The following HAPLN1 variants were observed in gnomAD, a reference collection of about 807,000 sequenced individuals.
HAPLN1 encodes hyaluronan and proteoglycan link protein 1.
A neutral mutation model predicts 36.5 loss-of-function variants in HAPLN1; 13 were observed. The ratio of observed to expected loss-of-function variants is 0.36; its 90% CI spans 0.23 to 0.57. HAPLN1 has a LOEUF of 0.57. Ranked by LOEUF, HAPLN1 falls within the 20% of genes least tolerant of loss-of-function variation. The pLI is 0.83. For synonymous variants in HAPLN1, 202 were observed against 169.8 expected (o/e 1.19, Z -1.48); for missense variants, 407 against 439.7 (o/e 0.93, Z 0.66).
At chr5:83,693,108 G>C (rs892552800) in intron 1 of HAPLN1, among the ~76,000 whole-genome samples, 1 of 151,756 alleles carries the variant, frequency 6.6e-6, no homozygotes, top group African/African-American at 2.4e-5. Flanking sequence ...ACAATATACT[G>C]TCATAAAAGT....
At chr5:83,679,238 A>G (rs1453862416) in intron 1 of HAPLN1, among the ~76,000 whole-genome samples, 1 of 152,174 alleles carries the variant, frequency 6.6e-6, no homozygotes, top group East Asian at 1.9e-4. Context: ...TTAGCTGTAG[A>G]TGTTTCTACA....
intron 2 of HAPLN1, among the ~76,000 whole-genome samples, chr5:83,662,625 T>A (rs1750437328): frequency 1.3e-5 from 2 of 152,222 alleles, no homozygotes; most frequent in Non-Finnish European, 1.5e-5. Context: ...GGAGTTTAAC[T>A]ATATTAGAGG....
At chr5:83,674,683 T>A (rs1300101744) in intron 1 of HAPLN1, 1 of 152,232 alleles carries the variant, frequency 6.6e-6, no homozygotes, top group African/African-American at 2.4e-5. Flanking sequence ...AATTGCACAG[T>A]ACTGGCTTCT....
intron 3 of HAPLN1, among the ~76,000 whole-genome samples, chr5:83,645,355 A>G (rs957652715): frequency 6.6e-6 from 1 of 152,126 alleles, no homozygotes; most frequent in Non-Finnish European, 1.5e-5. Context: ...AAGCTTGTCC[A>G]ACCCATGGCC....
intron 1 of HAPLN1, among the ~76,000 whole-genome samples, chr5:83,714,334 C>T (rs746336467): frequency 1.1e-3 from 167 of 152,058 alleles, no homozygotes; most frequent in Non-Finnish European, 1.8e-3. Context: ...GAGCACCAAA[C>T]GATGGTAGCA....
chr5:83,720,354 C>G (rs975253605), intron 1 of HAPLN1, among the ~76,000 whole-genome samples: 5 of 152,154 alleles, frequency 3.3e-5, no homozygotes, highest in African/African-American at 4.8e-5. Flanking sequence ...TTCACATAAC[C>G]CTATATATTC....
At chr5:83,706,936 G>A (rs554614483) in intron 1 of HAPLN1, among the ~76,000 whole-genome samples, 3 of 152,214 alleles carry the variant, frequency 2.0e-5, no homozygotes, top group African/African-American at 7.2e-5. Context: ...ACCACCAGGA[G>A]CCAAGCCAAG....
intron 1 of HAPLN1, among the ~76,000 whole-genome samples, chr5:83,681,984 C>A (rs1751014185): frequency 6.6e-6 from 1 of 152,126 alleles, no homozygotes; most frequent in Admixed American, 6.5e-5. Flanking sequence ...AATAAGATTT[C>A]TAGCACTAGG....
intron 1 of HAPLN1, among the ~76,000 whole-genome samples, chr5:83,676,153 T>TA (rs1561312903): frequency 6.9e-6 from 1 of 144,548 alleles, no homozygotes; most frequent in Non-Finnish European, 1.5e-5. Flanking sequence ...TGTGCACACA[T>TA]ACACAGAGAT....
At chr5:83,675,241 A>G (rs1197209674) in intron 1 of HAPLN1, 1 of 152,188 alleles carries the variant, frequency 6.6e-6, no homozygotes, top group African/African-American at 2.4e-5. Flanking sequence ...TTGGAATATA[A>G]TTGAGATAAC....
At chr5:83,663,650 A>G (rs1249024936) in intron 2 of HAPLN1, among the ~76,000 whole-genome samples, 1 of 151,924 alleles carries the variant, frequency 6.6e-6, no homozygotes, top group Non-Finnish European at 1.5e-5. Flanking sequence ...CCTCGCCCAA[A>G]TCTGTTCTCC....
intron 1 of HAPLN1, among the ~76,000 whole-genome samples, chr5:83,713,298 A>T (rs1751837549): frequency 6.6e-6 from 1 of 152,170 alleles, no homozygotes; most frequent in African/African-American, 2.4e-5. Context: ...AATTCAACAA[A>T]CATGTCTGGC....
intron 2 of HAPLN1, among the ~76,000 whole-genome samples, chr5:83,672,416 G>GA (rs1482011555): frequency 6.6e-6 from 1 of 151,954 alleles, no homozygotes; most frequent in African/African-American, 2.4e-5. Flanking sequence ...GTTCAACAGA[G>GA]AAAAAAATAA....
At chr5:83,672,018 T>C (rs1291946923) in intron 2 of HAPLN1, among the ~76,000 whole-genome samples, 2 of 152,168 alleles carry the variant, frequency 1.3e-5, no homozygotes, top group African/African-American at 4.8e-5. Context: ...GTCTGACTTA[T>C]AGGAGTAATT....
chr5:83,718,282 C>T (rs1439272354), intron 1 of HAPLN1, among the ~76,000 whole-genome samples: 1 of 152,044 alleles, frequency 6.6e-6, no homozygotes, highest in African/African-American at 2.4e-5. Flanking sequence ...TAGTTTCTAC[C>T]CTGAGCACCT....
At chr5:83,710,412 A>G (rs1446913664) in intron 1 of HAPLN1, among the ~76,000 whole-genome samples, 1 of 152,124 alleles carries the variant, frequency 6.6e-6, no homozygotes, top group African/African-American at 2.4e-5. Context: ...TGCCACAAAA[A>G]AAGCACTGAA....
At position 83,639,709 on chromosome 5, in the gene HAPLN1, C is replaced by G. The variant is rs1749625572; in HGVS notation, c.*1787G>C. 6.6e-6 allele frequency: 1 copy of G among 151,990 alleles called. No individual in the cohort carries two copies. Among genetic ancestry groups the G allele is most frequent in the African/African-American group, 2.4e-5 (1 of 41,404 alleles). 9.4% of individuals were successfully genotyped at this position (151,990 alleles called of 1,614,324 possible). A position where few individuals can be genotyped will look rare whatever the true frequency, so the allele number is the denominator to read the frequency against. On this transcript the variant is annotated 3_prime_UTR_variant, in exon 5 of 5. Transcript: ENST00000274341. ...AGTGTTTGAGTTTAAACTTTACAAA[C>G]TCTTTGGATTTATAGTTTTGTACAG... is the stretch of plus-strand genomic sequence containing the variant.
intron 2 of HAPLN1, among the ~76,000 whole-genome samples, chr5:83,664,142 G>C (rs1347616591): frequency 6.6e-6 from 1 of 151,970 alleles, no homozygotes; most frequent in Non-Finnish European, 1.5e-5. Flanking sequence ...CAGTCTCTTG[G>C]GCTTCTTTCG....
chr5:83,675,350 G>A (rs1438684059), intron 1 of HAPLN1: 1 of 152,100 alleles, frequency 6.6e-6, no homozygotes, highest in Non-Finnish European at 1.5e-5. Context: ...GTGGAGGAGA[G>A]AGTATAAAGA....
Sources: gnomAD v4.1 joint callset for allele counts (sites outside exome capture counted in the v4.1 genomes callset) on GRCh38, gnomAD v4.1.1 for gene constraint, MANE v1.5 for transcripts, NCBI Gene and HGNC (gene_info 2026-07-23, HGNC 2026-07-21) for gene names.